Variants in PLCB4 observed in about 807,000 individuals in gnomAD.
The protein encoded by PLCB4 is 1-phosphatidylinositol 4,5-bisphosphate phosphodiesterase beta-4.
Under a neutral mutation model 178.8 loss-of-function variants are expected in PLCB4, and 77 were observed. The ratio of observed to expected loss-of-function variants is 0.43; its 90% CI spans 0.36 to 0.52. PLCB4 has a LOEUF of 0.52. PLCB4 is among the 20% of genes least tolerant of loss of function. PLCB4 has a pLI of 0.00. For synonymous variants in PLCB4, 496 were observed against 490.8 expected (o/e 1.01, Z -0.14); for missense variants, 1,024 against 1,453.4 (o/e 0.70, Z 4.80).
intron 25 of PLCB4, among the ~76,000 whole-genome samples, chr20:9,417,902 A>G (rs2040364485): frequency 6.6e-6 from 1 of 152,134 alleles, no homozygotes; most frequent in South Asian, 2.1e-4. Flanking sequence ...ATCCTAGTGT[A>G]TACATAGTGA....
At chr20:9,469,035 G>T (rs1216640515) in intron 36 of PLCB4, among the ~76,000 whole-genome samples, 1 of 151,206 alleles carries the variant, frequency 6.6e-6, no homozygotes, top group Non-Finnish European at 1.5e-5. Flanking sequence ...CCATGCTAGA[G>T]TGCAGTGGCA....
At chr20:9,433,768 A>AT (rs573756474) in intron 28 of PLCB4, among the ~76,000 whole-genome samples, 129 of 151,798 alleles carry the variant, frequency 8.5e-4, no homozygotes, top group Middle Eastern at 3.4e-3. Flanking sequence ...ATTGTCTGTG[A>AT]TTTTTTTTTC....
At chr20:9,386,188 G>A (rs2037643313) in intron 14 of PLCB4, among the ~76,000 whole-genome samples, 1 of 152,112 alleles carries the variant, frequency 6.6e-6, no homozygotes, top group Non-Finnish European at 1.5e-5. Context: ...GGGGCAGGGA[G>A]GCTGCAGCGA....
intron 3 of PLCB4, among the ~76,000 whole-genome samples, chr20:9,220,783 T>C (rs373999304): frequency 9.2e-5 from 14 of 152,318 alleles, no homozygotes; most frequent in South Asian, 4.1e-4. Context: ...CTTGGAGACA[T>C]AGATATGTTG....
intron 3 of PLCB4, among the ~76,000 whole-genome samples, chr20:9,245,245 C>T (rs1161397820): frequency 6.6e-6 from 1 of 152,102 alleles, no homozygotes; most frequent in Non-Finnish European, 1.5e-5. Context: ...CAAAGGAAGT[C>T]CCAAGGTCAG....
chr20:9,259,941 T>C (rs1375491734), intron 3 of PLCB4, among the ~76,000 whole-genome samples: 3 of 152,154 alleles, frequency 2.0e-5, no homozygotes, highest in African/African-American at 7.2e-5. Flanking sequence ...TTAATATTAC[T>C]ACTAGAAAAT....
At position 9,265,752 on chromosome 20, in the gene PLCB4, G is replaced by A. The variant is rs73093851; in HGVS notation, c.-15-42048G>A. 7.7e-3 allele frequency among the ~76,000 whole-genome samples: 1,171 copies of A among 152,232 alleles called. 8 individuals carry two copies. Among genetic ancestry groups the A allele is most frequent in the Non-Finnish European group, 0.012 (811 of 68,016 alleles). ...CTCTGATGGTAAAAATCTTCCATTA[G>A]CATAAATTCTTACAGAAACTTCTAG... On this transcript the variant is annotated intron_variant, in intron 3 of 39. Transcript: ENST00000378473.
At chr20:9,337,981 T>A (rs1374067259) in intron 5 of PLCB4, 27 bp from the exon 6 acceptor site, 4 of 1,588,482 alleles carry the variant, frequency 2.5e-6, no homozygotes, top group African/African-American at 2.7e-5. Flanking sequence ...TTTAAGCTCA[T>A]TGCTGTGTTG....
intron 3 of PLCB4, among the ~76,000 whole-genome samples, chr20:9,219,611 C>T (rs1394083893): frequency 1.3e-5 from 2 of 152,160 alleles, no homozygotes; most frequent in Non-Finnish European, 2.9e-5. Flanking sequence ...GCTTATGTTA[C>T]GCTTGCCTTT....
At chr20:9,130,675 TG>T (rs2092250089) in intron 2 of PLCB4, among the ~76,000 whole-genome samples, 1 of 152,222 alleles carries the variant, frequency 6.6e-6, no homozygotes, top group Admixed American at 6.5e-5. Flanking sequence ...CAAACTTATC[TG>T]ATTTCATATA....
chr20:9,323,216 C>T (rs1252726877), intron 4 of PLCB4, among the ~76,000 whole-genome samples: 1 of 152,192 alleles, frequency 6.6e-6, no homozygotes, highest in Non-Finnish European at 1.5e-5. Flanking sequence ...GGACTACTCT[C>T]CTCTGTACAG....
intron 2 of PLCB4, among the ~76,000 whole-genome samples, chr20:9,200,686 A>G (rs1156564241): frequency 6.6e-6 from 1 of 152,056 alleles, no homozygotes; most frequent in Non-Finnish European, 1.5e-5. Context: ...CTTGCAGAAT[A>G]CAGCATTCCC....
chr20:9,288,076 T>C (rs866486157), intron 3 of PLCB4, among the ~76,000 whole-genome samples: 7 of 152,120 alleles, frequency 4.6e-5, no homozygotes, highest in African/African-American at 1.4e-4. Context: ...CCCACTCTAT[T>C]ACAGGAAGAG....
chr20:9,156,247 G>A (rs1257234312), intron 2 of PLCB4, among the ~76,000 whole-genome samples: 1 of 152,076 alleles, frequency 6.6e-6, no homozygotes, highest in African/African-American at 2.4e-5. Flanking sequence ...CATAAAATGG[G>A]CAATACCTCT....
At chr20:9,079,610 A>C (rs2090048668) in intron 1 of PLCB4, among the ~76,000 whole-genome samples, 1 of 152,214 alleles carries the variant, frequency 6.6e-6, no homozygotes, top group Non-Finnish European at 1.5e-5. Context: ...TGGGAAGGCC[A>C]GTAGCAGACC....
intron 3 of PLCB4, among the ~76,000 whole-genome samples, chr20:9,266,593 T>C (rs1362680262): frequency 1.3e-5 from 2 of 152,196 alleles, no homozygotes; most frequent in South Asian, 2.1e-4. Flanking sequence ...ACATTCCTTA[T>C]GGAAAAAAAT....
At chr20:9,141,928 G>A (rs1291648728) in intron 2 of PLCB4, among the ~76,000 whole-genome samples, 1 of 152,012 alleles carries the variant, frequency 6.6e-6, no homozygotes, top group East Asian at 1.9e-4. Flanking sequence ...AGTGTGAGAA[G>A]GAGCAGGAAT....
intron 38 of PLCB4, among the ~76,000 whole-genome samples, chr20:9,475,161 T>C (rs1188641987): frequency 5.9e-5 from 9 of 152,188 alleles, no homozygotes; most frequent in Non-Finnish European, 1.2e-4. Flanking sequence ...TATGTGTTAG[T>C]TAACTAAATT....
intron 19 of PLCB4, among the ~76,000 whole-genome samples, chr20:9,395,845 G>A (rs2038540035): frequency 6.6e-6 from 1 of 152,088 alleles, no homozygotes; most frequent in African/African-American, 2.4e-5. Context: ...GGTGGCCTGT[G>A]TCTGTAGTCC....
Sources: gnomAD v4.1 joint callset for allele counts (sites outside exome capture counted in the v4.1 genomes callset) on GRCh38, gnomAD v4.1.1 for gene constraint, MANE v1.5 for transcripts, NCBI Gene and HGNC (gene_info 2026-07-23, HGNC 2026-07-21) for gene names.